Variants in MON2 observed in about 807,000 individuals in gnomAD.
The protein encoded by MON2 is MON2 regulator of endosome-to-Golgi trafficking, also known as protein MON2 homolog.
MON2 carries 84 observed loss-of-function variants against 208.6 expected under a neutral mutation model. The ratio of observed to expected loss-of-function variants is 0.40; its 90% CI spans 0.34 to 0.48. MON2 has a LOEUF of 0.48. MON2 is among the 20% of genes least tolerant of loss of function. The pLI is 0.59. For synonymous variants in MON2, 660 were observed against 694.0 expected, an observed-to-expected ratio of 0.95 and a Z score of 0.77; for missense variants, 1,611 against 2,015.4, an observed-to-expected ratio of 0.80 and a Z score of 3.84.
intron 20 of MON2, 188 bp from the exon 21 acceptor site, chr12:62,544,710 T>C: frequency 6.9e-7 from 1 of 1,442,560 alleles, no homozygotes. Context: ...TGTGAATTGT[T>C]TTAGTTTCAT....
chr12:62,550,991 C>T, intron 23 of MON2, among the ~76,000 whole-genome samples: 1 of 147,138 alleles, frequency 6.8e-6, no homozygotes, highest in South Asian at 2.1e-4. Flanking sequence ...ATGATCTTGG[C>T]TCACTGCAAC....
At chr12:62,502,249 A>T (rs1000461879) in intron 7 of MON2, among the ~76,000 whole-genome samples, 42 of 152,118 alleles carry the variant, frequency 2.8e-4, no homozygotes, top group Admixed American at 1.3e-3. Context: ...AAATTTTTTT[A>T]AAAAAGCTAG....
chr12:62,581,503 A>G (rs1341563174), intron 32 of MON2, among the ~76,000 whole-genome samples: 1 of 152,120 alleles, frequency 6.6e-6, no homozygotes, highest in Non-Finnish European at 1.5e-5. Flanking sequence ...CGGAGTTATG[A>G]TTGTACCACT....
intron 23 of MON2, among the ~76,000 whole-genome samples, chr12:62,552,285 T>C (rs929271548): frequency 6.6e-6 from 1 of 152,126 alleles, no homozygotes; most frequent in African/African-American, 2.4e-5. Context: ...TGGGAAAAAA[T>C]GTAAGCATGT....
Position 62,494,061 on chromosome 12 carries a change from C to T in MON2, c.303+19C>T. On this transcript the variant is annotated intron_variant, in intron 3 of 34. Coordinates refer to ENST00000393630, the MANE Select transcript of MON2 (RefSeq NM_015026.3). Reference sequence around the variant, plus strand: ...GTCTGAGGTAATATGAAGATTTTATCTAAACTTCACCTAAGAGTTGAATCA... The same window carrying T: ...GTCTGAGGTAATATGAAGATTTTATTTAAACTTCACCTAAGAGTTGAATCA... 1.9e-6 allele frequency: 3 copies of T among 1,600,182 alleles called. 1 individual carries two copies. Among genetic ancestry groups the T allele is most frequent in the East Asian group, 2.2e-5 (1 of 44,698 alleles).
At chr12:62,568,172 C>T (rs149128428) in intron 29 of MON2, among the ~76,000 whole-genome samples, 1,645 of 152,120 alleles carry the variant, frequency 0.011, 21 homozygotes, top group Non-Finnish European at 0.017. Flanking sequence ...TAAATTAAGC[C>T]GTGTTAAAGA....
intron 23 of MON2, among the ~76,000 whole-genome samples, chr12:62,551,145 C>T (rs889460305): frequency 3.3e-5 from 5 of 152,166 alleles, no homozygotes; most frequent in Middle Eastern, 3.4e-3. Flanking sequence ...TTATCCTGTG[C>T]ATTCACAACT....
chr12:62,552,671 CAA>C (rs1307236934), intron 23 of MON2, among the ~76,000 whole-genome samples: 1 of 150,972 alleles, frequency 6.6e-6, no homozygotes, highest in African/African-American at 2.4e-5. Flanking sequence ...AAAGTTAGCT[CAA>C]GATTGTTTCC....
intron 2 of MON2, among the ~76,000 whole-genome samples, chr12:62,485,979 G>A (rs1318354591): frequency 2.6e-5 from 4 of 152,198 alleles, no homozygotes; most frequent in Non-Finnish European, 5.9e-5. Context: ...TGGGATTACA[G>A]GCGTGAGCCA....
chr12:62,484,951 G>A (rs908086659), intron 2 of MON2: 1 of 140,186 alleles, frequency 7.1e-6, no homozygotes, highest in Non-Finnish European at 1.5e-5. Context: ...TCTGTTATAT[G>A]CAAGGCACTT....
rs562207028 is a variant in MON2 at position 62,586,037 on chromosome 12, G to A, written c.4907+536G>A. 1.2e-4 allele frequency among the ~76,000 whole-genome samples: 19 copies of A among 152,250 alleles called. No individual in the cohort carries two copies. In the South Asian group the frequency reaches 3.9e-3, roughly 32 times the overall value. On this transcript the variant is annotated intron_variant, in intron 33 of 34. Transcript: ENST00000393630. The stretch of plus-strand genomic sequence containing the variant: ...ATCTGTTCAGCCTGTGTCAGTGGAA[G>A]GTGCACTAGGCTTTTCTGATCAGCC...
intron 22 of MON2, 143 bp from the exon 23 acceptor site, chr12:62,549,525 G>A (rs1242377554): frequency 1.8e-6 from 1 of 571,418 alleles, no homozygotes; most frequent in Non-Finnish European, 2.8e-6. Flanking sequence ...GCTGAGGTGG[G>A]AGGATCACAT....
chr12:62,584,271 G>A (rs1007920514), intron 32 of MON2, among the ~76,000 whole-genome samples: 1 of 152,152 alleles, frequency 6.6e-6, no homozygotes, highest in Non-Finnish European at 1.5e-5. Flanking sequence ...TGCTGATGCT[G>A]CAGGGTACAT....
rs1392997594 is a variant in MON2, at chr12:62,527,846, A to G, written c.1400+1744A>G. 8.3e-5 allele frequency among the ~76,000 whole-genome samples: 12 copies of G among 143,906 alleles called. 1 individual carries two copies. Among genetic ancestry groups the G allele is most frequent in the African/African-American group, 1.8e-4 (7 of 39,586 alleles). 94.4% of individuals were successfully genotyped at this position (143,906 alleles called of 152,430 possible). Reference sequence around the variant, plus strand: ...AGTGAAGATGTGTACTTGAGGAAGGAAAAAAAAAAAAAGAAACAAGCCACA... The same window carrying G: ...AGTGAAGATGTGTACTTGAGGAAGGGAAAAAAAAAAAAGAAACAAGCCACA... On this transcript the variant is annotated intron_variant, in intron 11 of 34. Coordinates refer to ENST00000393630, the MANE Select transcript of MON2 (RefSeq NM_015026.3).
chr12:62,538,364 T>C (rs920965244), intron 18 of MON2, 39 bp downstream of exon 18: 11 of 1,589,334 alleles, frequency 6.9e-6, no homozygotes, highest in Admixed American at 1.7e-5. Flanking sequence ...AACATTGTTA[T>C]TTGTTATATA....
At position 62,556,021 on chromosome 12, in the gene MON2, C is replaced by T. The variant is rs777383093; in HGVS notation, c.3238C>T (p.Arg1080Ter). 6 of 1,612,484 alleles carry T rather than the reference C, an allele frequency of 3.7e-6. No homozygotes were observed. Among genetic ancestry groups the T allele is most frequent in the Non-Finnish European group, 5.1e-6 (6 of 1,179,218 alleles). ...KVLFHLLDRVRESSTTADKEK... is the reference protein window; with the variant it reads ...KVLFHLLDRV The stretch of plus-strand genomic sequence containing the variant: ...ACTCTTTCATCTACTGGACAGAGTT[C>T]GAGAGTCCTCTACCACTGCAGACAA... Residue 1080 changes from arginine to a stop codon, truncating the protein, a stop_gained, in exon 25 of 35, where the codon CGA becomes TGA. Transcript: ENST00000393630. LOFTEE classifies it high-confidence loss of function.
intron 34 of MON2, among the ~76,000 whole-genome samples, chr12:62,589,744 TAAA>T (rs5798649): frequency 1.6e-4 from 18 of 113,616 alleles, no homozygotes; most frequent in Admixed American, 5.8e-4. Flanking sequence ...ACCCCATCTT[TAAA>T]AAAAAAAAAA....
chr12:62,560,206 G>A (rs370485673), intron 25 of MON2: 10 of 248,220 alleles, frequency 4.0e-5, no homozygotes, highest in Admixed American at 1.0e-4. Flanking sequence ...TAGTGCACTC[G>A]TCACCTACCT....
In MON2 at chr12:62,596,735, A is replaced by C. The variant is rs1437314815; in HGVS notation, c.*3986A>C. The stretch of plus-strand genomic sequence containing the variant: ...AATACTTCATGATCACTTGAATTAA[A>C]GTTTTTGTATCTCTGGAAAGTAGAA... On this transcript the variant is annotated 3_prime_UTR_variant, in exon 35 of 35. Transcript: ENST00000393630. 2 of 152,250 alleles carry C rather than the reference A, an allele frequency of 1.3e-5. No individual in the cohort carries two copies. The highest frequency in any genetic ancestry group is 4.8e-5 in the African/African-American group (2 of 41,476). 9.4% of individuals were successfully genotyped at this position (152,250 alleles called of 1,614,324 possible).
Sources: allele counts gnomAD v4.1 joint callset (sites outside exome capture counted in the v4.1 genomes callset), GRCh38; gene constraint gnomAD v4.1.1; transcripts MANE v1.5; gene names NCBI Gene and HGNC (gene_info 2026-07-23, HGNC 2026-07-21).